Variants in PRKN observed in about 807,000 individuals in gnomAD.
PRKN encodes the protein E3 ubiquitin-protein ligase parkin.
Under a neutral mutation model 59.5 loss-of-function variants are expected in PRKN, and 56 were observed. The observed-to-expected ratio is 0.94, with a 90% CI of 0.76 to 1.18. The LOEUF (loss-of-function observed/expected upper bound fraction) is 1.18, where lower values mean the gene tolerates loss of function less well. PRKN is among the 50% of genes most tolerant of loss of function. The pLI is 0.00. For synonymous variants in PRKN, 250 were observed against 222.1 expected (o/e 1.13, Z -1.12); for missense variants, 657 against 596.4 (o/e 1.10, Z -1.06).
At chr6:161,849,336 G>A (rs1024842971) in intron 6 of PRKN, among the ~76,000 whole-genome samples, 1 of 152,104 alleles carries the variant, frequency 6.6e-6, no homozygotes, top group Non-Finnish European at 1.5e-5. Context: ...CTTAATGGGT[G>A]TTGACAGGTT....
chr6:162,312,810 G>A (rs1782578010), intron 2 of PRKN, among the ~76,000 whole-genome samples: 1 of 152,078 alleles, frequency 6.6e-6, no homozygotes, highest in Admixed American at 6.6e-5. Context: ...GAAGATTCAA[G>A]GATTTCCCTT....
chr6:161,884,770 A>G (rs181187360), intron 6 of PRKN, among the ~76,000 whole-genome samples: 169 of 152,262 alleles, frequency 1.1e-3, no homozygotes, highest in Non-Finnish European at 1.9e-3. Context: ...CGGGTTATCC[A>G]TGTGTAGATC....
At chr6:161,490,579 T>C (rs572563142) in intron 9 of PRKN, among the ~76,000 whole-genome samples, 2 of 151,892 alleles carry the variant, frequency 1.3e-5, no homozygotes, top group South Asian at 4.2e-4. Context: ...TTAGTAGAGA[T>C]GGGGTTTCTT....
intron 1 of PRKN, among the ~76,000 whole-genome samples, chr6:162,453,563 C>T (rs1790725644): frequency 6.6e-6 from 1 of 152,056 alleles, no homozygotes; most frequent in African/African-American, 2.4e-5. Context: ...GTAAGCATGT[C>T]ACACAGTTTC....
chr6:162,584,789 TCCC>T (rs1562408942), intron 1 of PRKN, among the ~76,000 whole-genome samples: 1 of 8,228 alleles, frequency 1.2e-4, no homozygotes, highest in Non-Finnish European at 1.9e-4. Context: ...TCCTCTCCTC[TCCC>T]CTCCCCTCCC....
intron 6 of PRKN, among the ~76,000 whole-genome samples, chr6:161,904,275 G>A (rs1778046840): frequency 6.6e-6 from 1 of 151,598 alleles, no homozygotes; most frequent in Non-Finnish European, 1.5e-5. Flanking sequence ...TTTTGAGGGG[G>A]CAAGGTGTGT....
chr6:161,977,648 G>A (rs1402593054), intron 5 of PRKN, among the ~76,000 whole-genome samples: 4 of 146,098 alleles, frequency 2.7e-5, no homozygotes, highest in Non-Finnish European at 1.5e-5. Context: ...CCGGGTTCAC[G>A]CCATTCTCCT....
At chr6:162,488,786 C>T (rs1312903067) in intron 1 of PRKN, among the ~76,000 whole-genome samples, 3 of 152,154 alleles carry the variant, frequency 2.0e-5, no homozygotes, top group African/African-American at 7.2e-5. Flanking sequence ...TGACACTAGC[C>T]CCTGCCAGGC....
chr6:161,767,372 T>A (rs761993852), intron 7 of PRKN, among the ~76,000 whole-genome samples: 1 of 151,710 alleles, frequency 6.6e-6, no homozygotes, highest in Non-Finnish European at 1.5e-5. Flanking sequence ...ACAAAATTAG[T>A]CGGGTGTGGT....
intron 4 of PRKN, among the ~76,000 whole-genome samples, chr6:162,119,197 A>G (rs769801639): frequency 6.6e-6 from 1 of 152,216 alleles, no homozygotes; most frequent in Non-Finnish European, 1.5e-5. Context: ...CTTATTAGTT[A>G]TGAGAAAATA....
chr6:162,275,780 C>G (rs1473438403), intron 2 of PRKN, among the ~76,000 whole-genome samples: 1 of 146,320 alleles, frequency 6.8e-6, no homozygotes, highest in Non-Finnish European at 1.5e-5. Flanking sequence ...AGTGAAAATC[C>G]GTCTCAAAAA....
intron 4 of PRKN, among the ~76,000 whole-genome samples, chr6:162,126,048 A>G (rs1295820530): frequency 1.3e-5 from 2 of 152,166 alleles, no homozygotes; most frequent in African/African-American, 4.8e-5. Flanking sequence ...TAACAGATCA[A>G]CTCCATATAT....
chr6:161,879,200 C>T (rs2128229027), intron 6 of PRKN, among the ~76,000 whole-genome samples: 1 of 152,242 alleles, frequency 6.6e-6, no homozygotes, highest in Admixed American at 6.5e-5. Context: ...GTTCTCATTG[C>T]ACCAGAGTCA....
At chr6:162,245,537 T>C (rs1779162627) in intron 3 of PRKN, among the ~76,000 whole-genome samples, 1 of 151,912 alleles carries the variant, frequency 6.6e-6, no homozygotes, top group Non-Finnish European at 1.5e-5. Flanking sequence ...GCAAAACAGC[T>C]ATTTTACCTT....
At chr6:162,523,253 G>C (rs1041732609) in intron 1 of PRKN, among the ~76,000 whole-genome samples, 3 of 152,224 alleles carry the variant, frequency 2.0e-5, no homozygotes, top group Non-Finnish European at 4.4e-5. Context: ...AGTCAAGGGA[G>C]ACCAAGGACA....
chr6:161,856,231 G>T (rs557601287), intron 6 of PRKN, among the ~76,000 whole-genome samples: 24 of 152,216 alleles, frequency 1.6e-4, no homozygotes, highest in African/African-American at 5.5e-4. Flanking sequence ...ATGAGGGCGG[G>T]CACCTGTAAT....
intron 8 of PRKN, among the ~76,000 whole-genome samples, chr6:161,565,296 C>T (rs1434802258): frequency 1.3e-5 from 2 of 152,100 alleles, no homozygotes; most frequent in Non-Finnish European, 2.9e-5. Flanking sequence ...GTGGATTGAC[C>T]TCACTCCAAA....
intron 4 of PRKN, among the ~76,000 whole-genome samples, chr6:162,183,694 G>C (rs898796778): frequency 3.3e-5 from 5 of 152,170 alleles, no homozygotes; most frequent in African/African-American, 1.2e-4. Flanking sequence ...ACTGCTGACT[G>C]CATGACCAAG....
At position 162,011,141 on chromosome 6, in the gene PRKN, T is replaced by TA. The variant is rs1201867090; in HGVS notation, c.619-37725dup. Among the ~76,000 whole-genome samples, 29 of 27,864 alleles carry TA rather than the reference T, an allele frequency of 1.0e-3. 12 individuals carry two copies. The highest frequency in any genetic ancestry group is 5.7e-3 in the African/African-American group (29 of 5,050). 18.3% of individuals were successfully genotyped at this position (27,864 alleles called of 152,430 possible). On this transcript the variant is annotated intron_variant, in intron 5 of 11. Coordinates refer to ENST00000366898, the MANE Select transcript of PRKN (RefSeq NM_004562.3). ...ATATATTTATAATATATAATTATAA[T>TA]ATATATTATAATATATACTATATTA...
Sources: allele counts gnomAD v4.1 joint callset (sites outside exome capture counted in the v4.1 genomes callset), GRCh38; gene constraint gnomAD v4.1.1; transcripts MANE v1.5; gene names NCBI Gene and HGNC (gene_info 2026-07-23, HGNC 2026-07-21).